Variants in WWOX observed in about 807,000 individuals in gnomAD.
WWOX encodes the protein WW domain containing oxidoreductase.
A neutral mutation model predicts 46.2 loss-of-function variants in WWOX; 69 were observed. The ratio of observed to expected loss-of-function variants is 1.49; its 90% confidence interval spans 1.23 to 1.82. The LOEUF (loss-of-function observed/expected upper bound fraction) is 1.82. WWOX is among the 40% of genes most tolerant of loss of function. The pLI, the probability that WWOX is intolerant of heterozygous loss-of-function variation, is 0.00. For missense variants in WWOX, 919 were observed against 542.6 expected, an observed-to-expected ratio of 1.69 and a Z score of -6.89; for synonymous variants, 359 against 202.6, an observed-to-expected ratio of 1.77 and a Z score of -6.56.
intron 4 of WWOX, among the ~76,000 whole-genome samples, chr16:78,159,124 C>G (rs982755379): frequency 6.6e-6 from 1 of 151,986 alleles, no homozygotes; most frequent in Non-Finnish European, 1.5e-5. Context: ...ATTCCTAAGG[C>G]TGAATAATAT....
chr16:79,094,757 A>G (rs1452757574), intron 8 of WWOX, among the ~76,000 whole-genome samples: 2 of 152,144 alleles, frequency 1.3e-5, no homozygotes, highest in Non-Finnish European at 2.9e-5. Flanking sequence ...ACAACCTCTC[A>G]TTTAAAGGAG....
At chr16:79,009,847 C>T (rs754731164) in intron 8 of WWOX, among the ~76,000 whole-genome samples, 40 of 152,274 alleles carry the variant, frequency 2.6e-4, no homozygotes, top group Middle Eastern at 3.4e-3. Context: ...ATGGGGGCTT[C>T]GACCTCATCT....
intron 5 of WWOX, among the ~76,000 whole-genome samples, chr16:78,203,388 A>G (rs1220050034): frequency 6.6e-6 from 1 of 152,214 alleles, no homozygotes; most frequent in Non-Finnish European, 1.5e-5. Context: ...TTCAAAAGGG[A>G]AATATGTTTC....
At chr16:78,781,522 T>C (rs891694801) in intron 8 of WWOX, among the ~76,000 whole-genome samples, 3 of 152,240 alleles carry the variant, frequency 2.0e-5, no homozygotes, top group African/African-American at 7.2e-5. Flanking sequence ...GACCCTTTAA[T>C]GGGCGATGGG....
intron 8 of WWOX, among the ~76,000 whole-genome samples, chr16:78,703,221 CTG>C (rs2048262326): frequency 1.3e-5 from 2 of 151,952 alleles, no homozygotes; most frequent in Admixed American, 1.3e-4. Flanking sequence ...TCTCTTTTCT[CTG>C]TGTGTCATAA....
chr16:78,928,177 G>C lies in WWOX; in HGVS notation c.1057-283431G>C, dbSNP rs557683205. On this transcript the variant is annotated intron_variant, in intron 8 of 8. Coordinates refer to ENST00000566780, the MANE Select transcript of WWOX (RefSeq NM_016373.4). ...CATGAGTTTAATAATAAAGTGTTTG[G>C]AACTATGCTTTTCCCTACCACTTTT... Among the ~76,000 whole-genome samples the C allele has an allele frequency of 3.3e-5, 5 of 151,094 alleles. No homozygotes were observed. The South Asian group carries it at 1.0e-3, about 32-fold the overall frequency.
At chr16:78,106,356 C>G (rs2032142316) in intron 1 of WWOX, among the ~76,000 whole-genome samples, 1 of 151,520 alleles carries the variant, frequency 6.6e-6, no homozygotes, top group South Asian at 2.1e-4. Context: ...CCAATATTCC[C>G]ACTGTGCCAG....
chr16:78,935,419 C>T (rs1238337624), intron 8 of WWOX, among the ~76,000 whole-genome samples: 1 of 152,036 alleles, frequency 6.6e-6, no homozygotes, highest in South Asian at 2.1e-4. Context: ...GAATACTACA[C>T]AGCCATAAAA....
At chr16:78,965,505 G>A (rs1032076386) in intron 8 of WWOX, among the ~76,000 whole-genome samples, 9 of 151,822 alleles carry the variant, frequency 5.9e-5, no homozygotes, top group African/African-American at 9.7e-5. Context: ...GGAAAGTAGC[G>A]GTTGCAGTGA....
At chr16:78,659,793 G>A (rs1182401986) in intron 8 of WWOX, among the ~76,000 whole-genome samples, 1 of 152,162 alleles carries the variant, frequency 6.6e-6, no homozygotes, top group African/African-American at 2.4e-5. Context: ...AGGGAGAACA[G>A]CATTTTCTTT....
chr16:78,790,871 T>C (rs2050579141), intron 8 of WWOX, among the ~76,000 whole-genome samples: 1 of 151,334 alleles, frequency 6.6e-6, no homozygotes, highest in South Asian at 2.1e-4. Context: ...ATACAAAAAT[T>C]AGCCGGGCGT....
At chr16:78,863,695 GGTAT>G (rs1382644551) in intron 8 of WWOX, among the ~76,000 whole-genome samples, 2 of 152,270 alleles carry the variant, frequency 1.3e-5, no homozygotes, top group African/African-American at 4.8e-5. Flanking sequence ...GTGCTCAGTG[GGTAT>G]CTGTTGAACC....
At chr16:78,774,284 C>T (rs1420722821) in intron 8 of WWOX, among the ~76,000 whole-genome samples, 3 of 152,032 alleles carry the variant, frequency 2.0e-5, no homozygotes, top group East Asian at 1.9e-4. Context: ...GCCTGTAATC[C>T]CAGCTACTCA....
At chr16:78,311,790 C>T (rs4073180) in intron 5 of WWOX, among the ~76,000 whole-genome samples, 12 of 44,674 alleles carry the variant, frequency 2.7e-4, no homozygotes, top group African/African-American at 5.6e-4. Context: ...AGCAGCCTGG[C>T]GGGGGGGTAT....
intron 8 of WWOX, among the ~76,000 whole-genome samples, chr16:79,123,487 C>T (rs957556064): frequency 6.6e-6 from 1 of 152,072 alleles, no homozygotes; most frequent in African/African-American, 2.4e-5. Flanking sequence ...GATCTAGGCT[C>T]ATTCATACAC....
chr16:78,760,818 A>G (rs2049773963), intron 8 of WWOX, among the ~76,000 whole-genome samples: 2 of 152,298 alleles, frequency 1.3e-5, no homozygotes, highest in South Asian at 4.1e-4. Flanking sequence ...AGACTGTGCA[A>G]TTTACAAAAG....
chr16:78,474,631 A>G (rs759059461), intron 8 of WWOX, among the ~76,000 whole-genome samples: 8 of 152,074 alleles, frequency 5.3e-5, no homozygotes, highest in South Asian at 2.1e-4. Flanking sequence ...AAAGTGTACA[A>G]TTCAATGGCT....
At chr16:79,041,530 G>T (rs1009557874) in intron 8 of WWOX, among the ~76,000 whole-genome samples, 2 of 152,190 alleles carry the variant, frequency 1.3e-5, no homozygotes, top group Non-Finnish European at 2.9e-5. Flanking sequence ...GAACTCATCA[G>T]CTGCTTAGCA....
chr16:78,826,294 C>T (rs2051655128), intron 8 of WWOX, among the ~76,000 whole-genome samples: 1 of 152,170 alleles, frequency 6.6e-6, no homozygotes, highest in African/African-American at 2.4e-5. Context: ...TGCAGTGAGC[C>T]AAGATCGTGC....
Sources: allele counts gnomAD v4.1 joint callset (sites outside exome capture counted in the v4.1 genomes callset), GRCh38; gene constraint gnomAD v4.1.1; transcripts MANE v1.5; gene names NCBI Gene and HGNC (gene_info 2026-07-23, HGNC 2026-07-21).